NCK2: variants seen among roughly 807,000 people sequenced by gnomAD.
The protein encoded by NCK2 is NCK adaptor protein 2.
NCK2 carries 16 observed loss-of-function variants against 33.9 expected under a neutral mutation model. That is an observed-to-expected ratio of 0.47 (90% CI 0.32 to 0.72). NCK2 has a LOEUF of 0.72. Among genes scored for constraint, NCK2 ranks in the 30% least tolerant of loss-of-function variants. NCK2 has a pLI of 0.03. For synonymous variants in NCK2, 273 were observed against 239.9 expected (o/e 1.14, Z -1.27); for missense variants, 418 against 537.3 (o/e 0.78, Z 2.19).
chr2:105,876,919 GACGC>G (rs1678257536), intron 3 of NCK2, among the ~76,000 whole-genome samples: 1 of 152,140 alleles, frequency 6.6e-6, no homozygotes, highest in Non-Finnish European at 1.5e-5. Context: ...CCTCGGTCTG[GACGC>G]ACAGCTGCAG....
intron 1 of NCK2, among the ~76,000 whole-genome samples, chr2:105,801,553 G>C (rs530404326): frequency 8.5e-5 from 13 of 152,166 alleles, no homozygotes; most frequent in African/African-American, 3.1e-4. Flanking sequence ...AGTGAGGAGA[G>C]GGGCCCATGG....
chr2:105,868,126 A>G (rs1161940596), intron 3 of NCK2, among the ~76,000 whole-genome samples: 1 of 152,188 alleles, frequency 6.6e-6, no homozygotes, highest in Non-Finnish European at 1.5e-5. Flanking sequence ...TGCATGGCCC[A>G]CGTGCTGCCT....
intron 3 of NCK2, among the ~76,000 whole-genome samples, chr2:105,864,828 T>TACACACACACACAC (rs10524426): frequency 6.1e-4 from 88 of 144,464 alleles, no homozygotes; most frequent in Middle Eastern, 3.5e-3. Flanking sequence ...CATGTGCATG[T>TACACACACACACAC]ACACACACAC....
At chr2:105,754,695 T>A (rs913109816) in intron 1 of NCK2, among the ~76,000 whole-genome samples, 4 of 150,798 alleles carry the variant, frequency 2.7e-5, no homozygotes, top group South Asian at 4.2e-4. Context: ...TTTTTTTTTT[T>A]AAACTGCTCT....
chr2:105,859,519 CT>C (rs1677431191), intron 3 of NCK2, among the ~76,000 whole-genome samples: 1 of 152,214 alleles, frequency 6.6e-6, no homozygotes, highest in Non-Finnish European at 1.5e-5. Flanking sequence ...GAACTCCTGC[CT>C]CTGATCCAAC....
At chr2:105,822,986 G>T (rs1198726561) in intron 2 of NCK2, among the ~76,000 whole-genome samples, 6 of 151,990 alleles carry the variant, frequency 3.9e-5, no homozygotes, top group African/African-American at 1.5e-4. Context: ...CCGTGTGGCG[G>T]ATGTGTATGT....
intron 4 of NCK2, among the ~76,000 whole-genome samples, chr2:105,890,433 A>AG (rs1678921533): frequency 6.6e-6 from 1 of 152,234 alleles, no homozygotes; most frequent in Non-Finnish European, 1.5e-5. Flanking sequence ...TAAACTCTAT[A>AG]AGTGAGACTG....
chr2:105,813,889 C>G (rs1205720362), intron 1 of NCK2, among the ~76,000 whole-genome samples: 1 of 152,222 alleles, frequency 6.6e-6, no homozygotes, highest in Non-Finnish European at 1.5e-5. Context: ...TTCCAGCCCT[C>G]CCTCCTTTAT....
chr2:105,866,347 A>T (rs990648294), intron 3 of NCK2, among the ~76,000 whole-genome samples: 3 of 151,838 alleles, frequency 2.0e-5, no homozygotes, highest in African/African-American at 7.2e-5. Context: ...TAAGTATATA[A>T]TCAAGATCCT....
chr2:105,861,702 A>G (rs536069599), intron 3 of NCK2, among the ~76,000 whole-genome samples: 2 of 152,084 alleles, frequency 1.3e-5, no homozygotes, highest in Non-Finnish European at 2.9e-5. Flanking sequence ...TTTAGTACAG[A>G]TGGGGTTTTA....
At chr2:105,869,294 T>G (rs1677892403) in intron 3 of NCK2, among the ~76,000 whole-genome samples, 1 of 152,166 alleles carries the variant, frequency 6.6e-6, no homozygotes, top group African/African-American at 2.4e-5. Context: ...CGAACTGGTA[T>G]GGGGATGACA....
chr2:105,744,874 C>CCGCCGCCGCCGA (rs1283433620), upstream of NCK2: 1 of 160,434 alleles, frequency 6.2e-6, no homozygotes, highest in Non-Finnish European at 1.3e-5. Flanking sequence ...GTCGCCGCCG[C>CCGCCGCCGCCGA]CGCCGCCGCC....
At chr2:105,827,090 C>T (rs1675983431) in intron 2 of NCK2, among the ~76,000 whole-genome samples, 1 of 151,978 alleles carries the variant, frequency 6.6e-6, no homozygotes, top group Non-Finnish European at 1.5e-5. Flanking sequence ...AGCTCTGCCT[C>T]CCACGTTCAC....
intron 3 of NCK2, among the ~76,000 whole-genome samples, chr2:105,865,474 C>T (rs1677708099): frequency 6.6e-6 from 1 of 152,128 alleles, no homozygotes; most frequent in Non-Finnish European, 1.5e-5. Context: ...GAGGGAGATG[C>T]AGTTCCTGCT....
intron 2 of NCK2, among the ~76,000 whole-genome samples, chr2:105,820,192 A>G (rs551682681): frequency 6.6e-6 from 1 of 152,238 alleles, no homozygotes; most frequent in Non-Finnish European, 1.5e-5. Context: ...CAGCTGGGCC[A>G]TGGTTCCTGG....
chr2:105,773,163 T>C (rs555907575), intron 1 of NCK2, among the ~76,000 whole-genome samples: 8 of 151,874 alleles, frequency 5.3e-5, no homozygotes. Flanking sequence ...CCTCCCAAAG[T>C]GTTGGAATTA....
chr2:105,854,999 A>G, intron 2 of NCK2, 49 bp from the exon 3 acceptor site: 1 of 1,407,904 alleles, frequency 7.1e-7, no homozygotes, highest in Non-Finnish European at 1.0e-6. Context: ...CAAAGGATGA[A>G]GTGTCCGGGT....
chr2:105,881,347 G>T lies in NCK2; in HGVS notation c.246G>T (p.Arg82Ser). ...CCACAGGCCTCGGCAAGACGCGCAG[G>T]AAGACCAGCGCGCGGGATGCGTCCC... ...KDTLGLGKTR[R>S]KTSARDASPT... is the part of the protein sequence containing the mutation. The change falls in exon 4 of 5, where the codon AGG (arginine) becomes AGT (serine). Residue 82 changes from arginine (R) to serine (S), a missense_variant. Transcript: ENST00000233154. 1 of 1,601,420 alleles carries T rather than the reference G, an allele frequency of 6.2e-7. No homozygotes were observed. The highest frequency in any genetic ancestry group is 1.1e-5 in the South Asian group (1 of 90,498).
At chr2:105,758,500 C>G (rs1160772923) in intron 1 of NCK2, among the ~76,000 whole-genome samples, 4 of 150,228 alleles carry the variant, frequency 2.7e-5, no homozygotes, top group Non-Finnish European at 5.9e-5. Flanking sequence ...AACCTCTGTC[C>G]CCGGGTTCAA....
Sources: gnomAD v4.1 joint callset for allele counts (sites outside exome capture counted in the v4.1 genomes callset) on GRCh38, gnomAD v4.1.1 for gene constraint, MANE v1.5 for transcripts, NCBI Gene and HGNC (gene_info 2026-07-23, HGNC 2026-07-21) for gene names.